Variants in WNK1 observed in about 807,000 individuals in gnomAD.
WNK1 encodes serine/threonine-protein kinase WNK1.
WNK1 carries 38 observed loss-of-function variants against 222.8 expected under a neutral mutation model. That is an observed-to-expected ratio of 0.17 (90% CI 0.13 to 0.22). WNK1 has a LOEUF of 0.22. Ranked by LOEUF, WNK1 falls within the 10% of genes least tolerant of loss-of-function variation. The probability of loss-of-function intolerance (pLI) is 1.00; values close to 1 mark genes in which losing one functional copy is unlikely to be tolerated. For synonymous variants in WNK1, 1,090 were observed against 1,092.9 expected, an observed-to-expected ratio of 1.00 and a Z score of 0.05; for missense variants, 2,348 against 2,918.4, an observed-to-expected ratio of 0.80 and a Z score of 4.50.
chr12:907,590 G>A, intron 26 of WNK1: 1 of 536,080 alleles, frequency 1.9e-6, no homozygotes, highest in Non-Finnish European at 3.4e-6. Context: ...ACTGAAAGAG[G>A]CCCCTGCCTG....
intron 1 of WNK1, among the ~76,000 whole-genome samples, chr12:792,373 T>G (rs1415960111): frequency 1.4e-5 from 2 of 141,968 alleles, no homozygotes; most frequent in Non-Finnish European, 3.0e-5. Flanking sequence ...AGCGCAGTGG[T>G]GCAATCTCGG....
At chr12:858,267 G>A (rs979175057) in intron 5 of WNK1, among the ~76,000 whole-genome samples, 1 of 150,218 alleles carries the variant, frequency 6.7e-6, no homozygotes, top group Non-Finnish European at 1.5e-5. Context: ...TCAGCTTACT[G>A]CAACCTCTGC....
intron 1 of WNK1, among the ~76,000 whole-genome samples, chr12:805,857 C>T (rs1427159527): frequency 2.0e-5 from 3 of 152,046 alleles, no homozygotes; most frequent in Non-Finnish European, 4.4e-5. Flanking sequence ...CCACAATATA[C>T]ATATATTTAT....
intron 1 of WNK1, among the ~76,000 whole-genome samples, chr12:758,423 C>T (rs1386971752): frequency 3.4e-5 from 4 of 117,696 alleles, no homozygotes; most frequent in Non-Finnish European, 5.3e-5. Flanking sequence ...CTCTGTCGCC[C>T]AGGCCGGACT....
intron 8 of WNK1, among the ~76,000 whole-genome samples, chr12:866,325 C>T (rs946291025): frequency 1.2e-4 from 19 of 152,042 alleles, no homozygotes; most frequent in African/African-American, 3.9e-4. Flanking sequence ...TTTTAAAAAG[C>T]GGGGGAGGCT....
chr12:811,298 G>C (rs79162791), intron 1 of WNK1, among the ~76,000 whole-genome samples: 5,045 of 152,142 alleles, frequency 0.033, 289 homozygotes, highest in African/African-American at 0.11. Flanking sequence ...TTAGTATAAA[G>C]TTCCTATTTC....
rs1951264357 is a variant in WNK1, at chr12:862,104, G to C, written c.1973G>C (p.Gly658Ala). The change falls in exon 8 of 28, where the codon GGT becomes GCT. Residue 658 changes from glycine (G) to alanine (A), a missense_variant. Around this residue, in one of 13 missense-constraint regions of WNK1, gnomAD observed 547 missense variants for 558.3 expected, o/e 0.98. Transcript: ENST00000315939. ...TCAGCTGATGGGACGGTTGACAGTG[G>C]TCAGGGATCCTCTGTCTTCACAGAA... ...SVLSDGTVDSGQGSSVFTESR... is the reference protein window; with the variant it reads ...SVLSDGTVDSAQGSSVFTESR... The C allele has an allele frequency of 6.2e-7, 1 of 1,613,846 alleles. No individual in the cohort carries two copies. Among genetic ancestry groups the C allele is most frequent in the African/African-American group, 1.3e-5 (1 of 74,862 alleles).
At chr12:807,964 C>T (rs1946536658) in intron 1 of WNK1, among the ~76,000 whole-genome samples, 1 of 152,106 alleles carries the variant, frequency 6.6e-6, no homozygotes, top group African/African-American at 2.4e-5. Flanking sequence ...CGTGATCCGC[C>T]CGCCTCGGCC....
chr12:785,143 G>GT (rs1268187059), intron 1 of WNK1, among the ~76,000 whole-genome samples: 1 of 151,984 alleles, frequency 6.6e-6, no homozygotes, highest in Admixed American at 6.6e-5. Context: ...GTAACCTATT[G>GT]TTTTTTTCCT....
chr12:853,765 T>G (rs963912108), intron 4 of WNK1, among the ~76,000 whole-genome samples: 62 of 152,210 alleles, frequency 4.1e-4, no homozygotes, highest in African/African-American at 1.4e-3. Flanking sequence ...GAACTTTTTT[T>G]TTTGAGACAG....
Position 880,727 on chromosome 12 carries a change from C to G in WNK1, c.2839C>G (p.Pro947Ala), listed in dbSNP as rs753149891. The change falls in exon 12 of 28, where the codon CCA becomes GCA. Residue 947 changes from proline (P) to alanine (A), a missense_variant. By Grantham distance (27) the Pro-to-Ala change is conservative. Around this residue, in one of 13 missense-constraint regions of WNK1, gnomAD observed 547 missense variants for 558.3 expected, o/e 0.98. Coordinates refer to ENST00000315939, the MANE Select transcript of WNK1 (RefSeq NM_018979.4). ...SSGDVLYQGF[P>A]PRLPPQYPGD... ...TTCCTCATTTCTGTCACAGGGCTTC[C>G]CACCTCGACTGCCACCACAGTACCC... 1 of 1,613,852 alleles carries G rather than the reference C, an allele frequency of 6.2e-7. No individual in the cohort carries two copies. The highest frequency in any genetic ancestry group is 8.5e-7 in the Non-Finnish European group (1 of 1,179,998).
At position 879,633 on chromosome 12, in the gene WNK1, C is replaced by G; in HGVS notation, c.2434C>G (p.Gln812Glu). ...CGAACCTCAGATCCCAGTTGCGACA[C>G]AACCCTCGGTTGTTCCAGTCCACTC... is the stretch of plus-strand genomic sequence containing the variant. ...QGEPQIPVAT[Q>E]PSVVPVHSGA... is the part of the protein sequence containing the mutation. The change falls in exon 11 of 28, where the codon CAA (glutamine) becomes GAA (glutamate). Residue 812 changes from glutamine to glutamate, a missense_variant. Gln to Glu is a conservative substitution (Grantham distance 29). Coordinates refer to ENST00000315939, the MANE Select transcript of WNK1 (RefSeq NM_018979.4). 1.2e-6 allele frequency: 2 copies of G among 1,611,920 alleles called. No homozygotes were observed. Among genetic ancestry groups the G allele is most frequent in the East Asian group, 4.5e-5 (2 of 44,742 alleles).
intron 10 of WNK1, among the ~76,000 whole-genome samples, chr12:878,863 T>C (rs1952865479): frequency 6.6e-6 from 1 of 151,740 alleles, no homozygotes; most frequent in Non-Finnish European, 1.5e-5. Context: ...TGACCTTTTT[T>C]CAACTTTATT....
chr12:774,052 C>T (rs571641600), intron 1 of WNK1, among the ~76,000 whole-genome samples: 1 of 152,198 alleles, frequency 6.6e-6, no homozygotes, highest in East Asian at 1.9e-4. Flanking sequence ...TCCCTCTAAT[C>T]CTTGGTGAGC....
At chr12:819,442 A>G (rs377456687) in intron 2 of WNK1, among the ~76,000 whole-genome samples, 2 of 152,278 alleles carry the variant, frequency 1.3e-5, no homozygotes, top group East Asian at 3.9e-4. Flanking sequence ...CTGAACTCCA[A>G]AATGTTCAAA....
In WNK1 at chr12:910,939, A is replaced by AGGGGCTAAG. The variant is rs1956039019; in HGVS notation, c.*2153_*2154insAAGGGGGCT. On this transcript the variant is annotated 3_prime_UTR_variant, in exon 28 of 28. Transcript: ENST00000315939. ...GGAGAGAGTAAGGATAGAACCAACAAGGGGCTGAGTAGCTGAGAAAGGGGC... is the reference window on the plus strand; with the variant it reads ...GGAGAGAGTAAGGATAGAACCAACAAGGGGCTAAGGGGGCTGAGTAGCTGAGAAAGGGGC... 5.1e-6 allele frequency: 1 copy of AGGGGCTAAG among 197,520 alleles called. No homozygotes were observed. Among genetic ancestry groups the AGGGGCTAAG allele is most frequent in the Non-Finnish European group, 1.0e-5 (1 of 98,746 alleles). The allele number at this position is 197,520 out of a possible 1,614,324, so 12.2% of individuals were successfully genotyped here.
intron 1 of WNK1, among the ~76,000 whole-genome samples, chr12:771,128 G>T (rs1252086831): frequency 6.6e-6 from 1 of 152,036 alleles, no homozygotes; most frequent in African/African-American, 2.4e-5. Context: ...CTCCTGATTA[G>T]CTGGGACTAC....
intron 1 of WNK1, among the ~76,000 whole-genome samples, chr12:783,272 C>A (rs1406870730): frequency 1.3e-5 from 2 of 152,124 alleles, no homozygotes; most frequent in Non-Finnish European, 2.9e-5. Context: ...ATATTCTTTT[C>A]TATTACATCT....
intron 1 of WNK1, among the ~76,000 whole-genome samples, chr12:798,451 C>A (rs1241936852): frequency 1.3e-5 from 2 of 152,146 alleles, no homozygotes; most frequent in Admixed American, 1.3e-4. Context: ...CTCGGCCTCC[C>A]AAAGTGCTGG....
Sources: allele counts gnomAD v4.1 joint callset (sites outside exome capture counted in the v4.1 genomes callset), GRCh38; gene constraint gnomAD v4.1.1; regional missense constraint gnomAD v4.1.1; transcripts MANE v1.5; gene names NCBI Gene and HGNC (gene_info 2026-07-23, HGNC 2026-07-21).